Variants in CLMP observed in about 807,000 individuals in gnomAD.
The protein encoded by CLMP is CXADR-like membrane protein.
Under a neutral mutation model 45.2 loss-of-function variants are expected in CLMP, and 27 were observed. The observed-to-expected ratio is 0.60, with a 90% CI of 0.44 to 0.82. The LOEUF is 0.82. Among genes scored for constraint, CLMP ranks in the 40% least tolerant of loss-of-function variants. The pLI is 0.00. For synonymous variants in CLMP, 167 were observed against 171.4 expected (o/e 0.97, Z 0.20); for missense variants, 403 against 448.4 (o/e 0.90, Z 0.91).
At chr11:123,094,168 C>T (rs911340268) in intron 2 of CLMP, among the ~76,000 whole-genome samples, 5 of 152,058 alleles carry the variant, frequency 3.3e-5, no homozygotes, top group Admixed American at 1.3e-4. Context: ...AGTGCAGTGG[C>T]GCCATCTCTG....
intron 1 of CLMP, among the ~76,000 whole-genome samples, chr11:123,173,442 T>G (rs1861661455): frequency 6.6e-6 from 1 of 152,206 alleles, no homozygotes; most frequent in African/African-American, 2.4e-5. Flanking sequence ...CGACATTCCT[T>G]TTTATACATG....
intron 1 of CLMP, among the ~76,000 whole-genome samples, chr11:123,167,948 A>T (rs1023121324): frequency 6.8e-6 from 1 of 146,888 alleles, no homozygotes; most frequent in Admixed American, 6.8e-5. Flanking sequence ...TATCAAGCCC[A>T]GGAAGGAAAG....
intron 1 of CLMP, among the ~76,000 whole-genome samples, chr11:123,147,734 A>G (rs78973283): frequency 0.02 from 3,023 of 152,326 alleles, 59 homozygotes; most frequent in South Asian, 0.04. Context: ...TGCTGGGTAC[A>G]GAGTAGGCAC....
chr11:123,150,540 C>CAAGGAAGGAAGGAAGGAAGGA (rs1285081852), intron 1 of CLMP, among the ~76,000 whole-genome samples: 2 of 78,658 alleles, frequency 2.5e-5, no homozygotes, highest in Non-Finnish European at 2.4e-5. Flanking sequence ...AAGAAACAAG[C>CAAGGAAGGAAGGAAGGAAGGA]AAGGAAGGAA....
intron 1 of CLMP, among the ~76,000 whole-genome samples, chr11:123,149,935 G>A (rs1861290008): frequency 6.6e-6 from 1 of 151,606 alleles, no homozygotes; most frequent in African/African-American, 2.4e-5. Context: ...CTCCTGAGTA[G>A]CTGGGATTAC....
At chr11:123,108,322 G>A (rs1860589200) in intron 1 of CLMP, among the ~76,000 whole-genome samples, 2 of 152,198 alleles carry the variant, frequency 1.3e-5, no homozygotes, top group Admixed American at 6.5e-5. Context: ...TACTTAAACA[G>A]TTTAAAGCCT....
intron 1 of CLMP, chr11:123,193,095 A>G (rs1861930894): frequency 6.6e-6 from 1 of 152,218 alleles, no homozygotes; most frequent in Admixed American, 6.5e-5. Context: ...GGCAGAGGGT[A>G]AGCGCTTTGA....
intron 5 of CLMP, 85 bp from the exon 6 acceptor site, chr11:123,074,928 C>A: frequency 1.4e-6 from 2 of 1,418,734 alleles, no homozygotes; most frequent in Admixed American, 2.2e-5. Context: ...AAGCTCTGGA[C>A]AGAATGAGTA....
chr11:123,120,676 ATTG>A (rs1197095197), intron 1 of CLMP, among the ~76,000 whole-genome samples: 1 of 152,122 alleles, frequency 6.6e-6, no homozygotes, highest in Non-Finnish European at 1.5e-5. Flanking sequence ...TTTTGCTATT[ATTG>A]TTGTTATTAT....
intron 5 of CLMP, among the ~76,000 whole-genome samples, chr11:123,075,942 G>A (rs994006960): frequency 3.9e-5 from 6 of 152,114 alleles, no homozygotes; most frequent in Non-Finnish European, 7.4e-5. Context: ...GGAGGCTGAC[G>A]TGGGCGGATC....
intron 1 of CLMP, among the ~76,000 whole-genome samples, chr11:123,182,545 C>T (rs967259813): frequency 7.2e-5 from 11 of 152,188 alleles, no homozygotes; most frequent in Non-Finnish European, 1.3e-4. Context: ...ATTATTTCTT[C>T]AATTATAACT....
intron 1 of CLMP, among the ~76,000 whole-genome samples, chr11:123,140,585 C>T (rs1861139990): frequency 6.6e-6 from 1 of 152,128 alleles, no homozygotes; most frequent in South Asian, 2.1e-4. Context: ...AACCCTCACA[C>T]TCCCACACAC....
chr11:123,118,995 TTCTTTCTCTCTCTCTCTCTCTCTCTC>T (rs1860767598), intron 1 of CLMP, among the ~76,000 whole-genome samples: 2 of 18,386 alleles, frequency 1.1e-4, no homozygotes, highest in African/African-American at 2.2e-4. Flanking sequence ...CTTTCTTTCT[TTCTTTCTCTCTCTCTCTCTCTCTCTC>T]TCTCTCTCTC....
At chr11:123,089,796 A>AG (rs1418542194) in intron 2 of CLMP, among the ~76,000 whole-genome samples, 75 of 100,552 alleles carry the variant, frequency 7.5e-4, no homozygotes, top group African/African-American at 2.9e-3. Flanking sequence ...AAAAAAAAGA[A>AG]AAAGAAAAAG....
chr11:123,184,034 T>C (rs139192310), intron 1 of CLMP, among the ~76,000 whole-genome samples: 84 of 152,320 alleles, frequency 5.5e-4, no homozygotes, highest in Non-Finnish European at 1.0e-3. Context: ...CATAATGTTA[T>C]CTTGAAGATT....
intron 2 of CLMP, among the ~76,000 whole-genome samples, chr11:123,089,773 T>G (rs1177491124): frequency 2.3e-5 from 2 of 87,140 alleles, no homozygotes; most frequent in African/African-American, 5.6e-5. Flanking sequence ...CGAGTCTCCA[T>G]CTCAAAAAAA....
chr11:123,166,314 AC>A (rs1861555842), intron 1 of CLMP, among the ~76,000 whole-genome samples: 1 of 152,152 alleles, frequency 6.6e-6, no homozygotes, highest in Admixed American at 6.5e-5. Context: ...CCAGGGCTAC[AC>A]CCTCTTCAGA....
chr11:123,131,225 G>A (rs1860983499), intron 1 of CLMP, among the ~76,000 whole-genome samples: 1 of 152,032 alleles, frequency 6.6e-6, no homozygotes, highest in Admixed American at 6.6e-5. Flanking sequence ...TGACTGTTTA[G>A]TTTTAGATCT....
At chr11:123,121,935 G>T (rs1282153026) in intron 1 of CLMP, among the ~76,000 whole-genome samples, 1 of 151,976 alleles carries the variant, frequency 6.6e-6, no homozygotes, top group African/African-American at 2.4e-5. Flanking sequence ...GTAGAGATGG[G>T]GTTTTGCCAT....
Sources: allele counts gnomAD v4.1 joint callset (sites outside exome capture counted in the v4.1 genomes callset), GRCh38; gene constraint gnomAD v4.1.1; transcripts MANE v1.5; gene names NCBI Gene and HGNC (gene_info 2026-07-23, HGNC 2026-07-21).